Variants in BCKDHB observed in about 807,000 individuals in gnomAD.
The protein encoded by BCKDHB is branched chain keto acid dehydrogenase E1 subunit beta, also known as 2-oxoisovalerate dehydrogenase subunit beta, mitochondrial.
BCKDHB carries 41 observed loss-of-function variants against 48.5 expected under a neutral mutation model. The ratio of observed to expected loss-of-function variants is 0.85; its 90% CI spans 0.66 to 1.10. BCKDHB has a LOEUF of 1.10. Among genes scored for constraint, BCKDHB ranks in the 50% least tolerant of loss-of-function variants. The pLI, the probability that BCKDHB is intolerant of heterozygous loss-of-function variation, is 0.00. For missense variants in BCKDHB, 496 were observed against 494.2 expected (o/e 1.00, Z -0.03); for synonymous variants, 201 against 174.8 (o/e 1.15, Z -1.18).
chr6:80,387,324 T>C, the BCKDHB span, among the ~76,000 whole-genome samples: 1 of 152,030 alleles, frequency 6.6e-6, no homozygotes, highest in African/African-American at 2.4e-5. Flanking sequence ...GTTATTATGG[T>C]GGGAAAGGCT....
chr6:80,363,969 G>A, the BCKDHB span, among the ~76,000 whole-genome samples: 2 of 152,252 alleles, frequency 1.3e-5, no homozygotes, highest in African/African-American at 2.4e-5. Context: ...ACCAAATCAC[G>A]GTTATTTACT....
At chr6:80,301,647 A>G (rs1767588015) in intron 9 of BCKDHB, among the ~76,000 whole-genome samples, 1 of 152,170 alleles carries the variant, frequency 6.6e-6, no homozygotes, top group South Asian at 2.1e-4. Context: ...CTCCCTAACT[A>G]ATTCTACAAA....
the BCKDHB span, among the ~76,000 whole-genome samples, chr6:80,396,748 C>A: frequency 6.6e-6 from 1 of 152,158 alleles, no homozygotes; most frequent in Non-Finnish European, 1.5e-5. Flanking sequence ...CTTGGCATTT[C>A]TTTCTCCTGC....
At chr6:80,194,657 A>T (rs1172329383) in intron 6 of BCKDHB, among the ~76,000 whole-genome samples, 1 of 152,172 alleles carries the variant, frequency 6.6e-6, no homozygotes, top group Non-Finnish European at 1.5e-5. Context: ...TGGCAAGAAT[A>T]TTATAGAAGT....
chr6:80,260,178 A>G (rs190211202), intron 8 of BCKDHB, among the ~76,000 whole-genome samples: 53 of 152,040 alleles, frequency 3.5e-4, no homozygotes, highest in African/African-American at 1.3e-3. Context: ...GATGGCCAAA[A>G]TAAGCAATTT....
At chr6:80,177,936 A>G (rs1217632214) in intron 6 of BCKDHB, among the ~76,000 whole-genome samples, 1 of 152,198 alleles carries the variant, frequency 6.6e-6, no homozygotes, top group African/African-American at 2.4e-5. Context: ...TACAGAGGTA[A>G]ATGCAAGGCT....
the BCKDHB span, among the ~76,000 whole-genome samples, chr6:80,367,093 C>T: frequency 6.6e-6 from 1 of 152,188 alleles, no homozygotes; most frequent in Non-Finnish European, 1.5e-5. Flanking sequence ...TCCTCTCAGG[C>T]TTGGCTCCAT....
At chr6:80,206,604 G>T (rs1774675027) in intron 8 of BCKDHB, among the ~76,000 whole-genome samples, 1 of 151,424 alleles carries the variant, frequency 6.6e-6, no homozygotes, top group Non-Finnish European at 1.5e-5. Flanking sequence ...ACTTTGTGGA[G>T]CCATCAGAGA....
intron 9 of BCKDHB, among the ~76,000 whole-genome samples, chr6:80,316,850 A>C (rs1205386571): frequency 1.3e-5 from 2 of 152,208 alleles, no homozygotes; most frequent in Admixed American, 1.3e-4. Context: ...GAAGCTATTT[A>C]GAAGCACCCA....
At chr6:80,441,242 C>T in the BCKDHB span, 1 of 152,016 alleles carries the variant, frequency 6.6e-6, no homozygotes, top group Non-Finnish European at 1.5e-5. Flanking sequence ...AATCTTAACC[C>T]AATTTTAAGT....
intron 6 of BCKDHB, among the ~76,000 whole-genome samples, chr6:80,192,614 A>C (rs574167030): frequency 2.0e-4 from 31 of 152,182 alleles, no homozygotes; most frequent in Non-Finnish European, 2.9e-4. Context: ...GCAAAGATTG[A>C]ACAAGTTGTG....
At chr6:80,106,641 C>T (rs1435785495), upstream of BCKDHB, 9 of 1,532,296 alleles carry the variant, frequency 5.9e-6, no homozygotes, top group Non-Finnish European at 7.9e-6. Context: ...GCTCCGCCCT[C>T]CCCGCAGGCG....
At chr6:80,430,745 T>C in the BCKDHB span, among the ~76,000 whole-genome samples, 1 of 152,320 alleles carries the variant, frequency 6.6e-6, no homozygotes, top group East Asian at 1.9e-4. Flanking sequence ...AGTCTATCTA[T>C]TTTGTTGATC....
At chr6:80,444,979 T>A in the BCKDHB span, among the ~76,000 whole-genome samples, 1 of 152,196 alleles carries the variant, frequency 6.6e-6, no homozygotes. Flanking sequence ...TGGCCTCAAA[T>A]TCTCAAGGTT....
chr6:80,441,243 A>G, the BCKDHB span: 1 of 152,128 alleles, frequency 6.6e-6, no homozygotes, highest in Admixed American at 6.5e-5. Flanking sequence ...ATCTTAACCC[A>G]ATTTTAAGTG....
the BCKDHB span, among the ~76,000 whole-genome samples, chr6:80,393,811 T>G: frequency 2.6e-5 from 4 of 152,216 alleles, no homozygotes; most frequent in African/African-American, 9.7e-5. Flanking sequence ...ACCACTTCTT[T>G]CCTGGACCTC....
chr6:80,245,384 A>T (rs1776569326), intron 8 of BCKDHB, among the ~76,000 whole-genome samples: 1 of 152,134 alleles, frequency 6.6e-6, no homozygotes, highest in African/African-American at 2.4e-5. Context: ...GGAAAAAAAA[A>T]ATCCCCCAAA....
At chr6:80,108,627 G>A (rs1160256875) in intron 1 of BCKDHB, among the ~76,000 whole-genome samples, 1 of 151,328 alleles carries the variant, frequency 6.6e-6, no homozygotes, top group African/African-American at 2.4e-5. Context: ...TTTGGGAGGC[G>A]GAGGCAGGCG....
intron 9 of BCKDHB, among the ~76,000 whole-genome samples, chr6:80,329,176 T>C (rs1442010099): frequency 6.6e-6 from 1 of 152,234 alleles, no homozygotes; most frequent in Non-Finnish European, 1.5e-5. Flanking sequence ...GACTAACTTC[T>C]TTCAATTCTA....
Sources: gnomAD v4.1 joint callset for allele counts (sites outside exome capture counted in the v4.1 genomes callset) on GRCh38, gnomAD v4.1.1 for gene constraint, MANE v1.5 for transcripts, NCBI Gene and HGNC (gene_info 2026-07-23, HGNC 2026-07-21) for gene names.